GABRG3: variants seen among roughly 807,000 people sequenced by gnomAD.
The protein encoded by GABRG3 is gamma-aminobutyric acid type A receptor subunit gamma3.
GABRG3 carries 25 observed loss-of-function variants against 48.8 expected under a neutral mutation model. That is an observed-to-expected ratio of 0.51 (90% CI 0.37 to 0.72). The LOEUF is 0.72. Among genes scored for constraint, GABRG3 ranks in the 30% least tolerant of loss-of-function variants. The probability of loss-of-function intolerance (pLI) is 0.00; values close to 1 mark genes in which losing one functional copy is unlikely to be tolerated. For missense variants in GABRG3, 394 were observed against 577.9 expected, an observed-to-expected ratio of 0.68 and a Z score of 3.26; for synonymous variants, 227 against 217.6, an observed-to-expected ratio of 1.04 and a Z score of -0.38.
At chr15:27,451,017 G>A (rs541685542) in intron 5 of GABRG3, among the ~76,000 whole-genome samples, 1 of 152,104 alleles carries the variant, frequency 6.6e-6, no homozygotes, top group South Asian at 2.1e-4. Flanking sequence ...AAATATTCAT[G>A]AAAGAAATTA....
chr15:27,297,702 C>G (rs1470789002), intron 3 of GABRG3, among the ~76,000 whole-genome samples: 1 of 152,092 alleles, frequency 6.6e-6, no homozygotes, highest in Admixed American at 6.6e-5. Context: ...GAATGTTAAG[C>G]AATGTATGAC....
chr15:27,460,097 TA>T (rs1185608906), intron 5 of GABRG3, among the ~76,000 whole-genome samples: 2 of 152,200 alleles, frequency 1.3e-5, no homozygotes, highest in Admixed American at 6.5e-5. Context: ...TGAGTTTACC[TA>T]AATGCTAACC....
intron 3 of GABRG3, among the ~76,000 whole-genome samples, chr15:27,178,623 A>G (rs12324171): frequency 0.028 from 4,340 of 152,320 alleles, 215 homozygotes; most frequent in African/African-American, 0.099. Context: ...ACCCAGAGAC[A>G]CGGGGGAGAT....
At chr15:26,995,854 A>G (rs1895331074) in intron 2 of GABRG3, among the ~76,000 whole-genome samples, 1 of 152,054 alleles carries the variant, frequency 6.6e-6, no homozygotes. Context: ...GTACAACCTT[A>G]TGTCTTTTTT....
intron 5 of GABRG3, among the ~76,000 whole-genome samples, chr15:27,349,935 C>CTTT (rs371119700): frequency 1.4e-5 from 2 of 144,468 alleles, no homozygotes; most frequent in Non-Finnish European, 1.5e-5. Context: ...GCCCTAAGGT[C>CTTT]TTTTTTTTTT....
chr15:27,353,835 C>T (rs1012734132), intron 5 of GABRG3, among the ~76,000 whole-genome samples: 1 of 152,152 alleles, frequency 6.6e-6, no homozygotes, highest in African/African-American at 2.4e-5. Flanking sequence ...TAAACTAGTA[C>T]CCGCTCCTCA....
At chr15:27,359,697 G>A (rs899199201) in intron 5 of GABRG3, among the ~76,000 whole-genome samples, 1 of 152,108 alleles carries the variant, frequency 6.6e-6, no homozygotes, top group Non-Finnish European at 1.5e-5. Flanking sequence ...TTTTGTAAAC[G>A]TTTCCATAAG....
chr15:27,122,457 G>A (rs1436027863), intron 3 of GABRG3, among the ~76,000 whole-genome samples: 2 of 152,242 alleles, frequency 1.3e-5, no homozygotes, highest in Non-Finnish European at 2.9e-5. Flanking sequence ...CCCACAGCTA[G>A]AAGTGGGTTC....
At chr15:27,088,457 T>G (rs1354479738) in intron 3 of GABRG3, among the ~76,000 whole-genome samples, 2 of 152,136 alleles carry the variant, frequency 1.3e-5, no homozygotes, top group Non-Finnish European at 2.9e-5. Flanking sequence ...GGGGAGGCTG[T>G]GTGCCGGGCA....
At chr15:27,428,734 G>A (rs577930125) in intron 5 of GABRG3, among the ~76,000 whole-genome samples, 1 of 152,254 alleles carries the variant, frequency 6.6e-6, no homozygotes, top group African/African-American at 2.4e-5. Flanking sequence ...TTCACCACAG[G>A]CCTAGTTAAT....
rs568584240 is a variant in GABRG3, at chr15:27,299,830, A to G, written c.271-26979A>G. On this transcript the variant is annotated intron_variant, in intron 3 of 9. Transcript: ENST00000615808. ...CAGAGAGGGGGTAACCAGAGCCCCA[A>G]GTTTCTAGCCAGAGGCCCAAAAAAC... 9.2e-5 allele frequency among the ~76,000 whole-genome samples: 14 copies of G among 152,294 alleles called. No homozygotes were observed. The East Asian group carries it at 9.7e-4, about 11-fold the overall frequency.
At chr15:27,388,867 A>AAG (rs1201774988) in intron 5 of GABRG3, among the ~76,000 whole-genome samples, 2 of 151,336 alleles carry the variant, frequency 1.3e-5, no homozygotes, top group African/African-American at 2.5e-5. Flanking sequence ...TGGAGAGAGG[A>AAG]AGAGAGAGAG....
At chr15:27,050,405 G>A (rs1896437428) in intron 3 of GABRG3, among the ~76,000 whole-genome samples, 1 of 152,126 alleles carries the variant, frequency 6.6e-6, no homozygotes, top group Non-Finnish European at 1.5e-5. Flanking sequence ...GGCACAGCAG[G>A]GCTGTTCAGG....
intron 2 of GABRG3, among the ~76,000 whole-genome samples, chr15:26,981,435 T>C (rs1895052367): frequency 6.6e-6 from 1 of 152,240 alleles, no homozygotes; most frequent in African/African-American, 2.4e-5. Context: ...TGGTCTATCT[T>C]GGCAAATGCT....
chr15:27,483,216 T>C (rs1219477924), intron 6 of GABRG3: 2 of 152,174 alleles, frequency 1.3e-5, no homozygotes. Flanking sequence ...GCTTGGCATC[T>C]TCCGAGTGCC....
intron 3 of GABRG3, among the ~76,000 whole-genome samples, chr15:27,042,167 C>T (rs964805860): frequency 6.6e-6 from 1 of 152,196 alleles, no homozygotes; most frequent in Non-Finnish European, 1.5e-5. Flanking sequence ...CATGTGGGTC[C>T]CATCTGCCTC....
chr15:27,354,093 G>A (rs1278003265), intron 5 of GABRG3, among the ~76,000 whole-genome samples: 3 of 152,148 alleles, frequency 2.0e-5, no homozygotes, highest in Non-Finnish European at 2.9e-5. Context: ...GGCCTGTACC[G>A]ACTAAGAAGC....
intron 3 of GABRG3, among the ~76,000 whole-genome samples, chr15:27,131,449 C>A (rs992560637): frequency 6.6e-6 from 1 of 151,894 alleles, no homozygotes; most frequent in Admixed American, 6.6e-5. Context: ...GCATTTCATT[C>A]AGGATTCTTG....
intron 3 of GABRG3, among the ~76,000 whole-genome samples, chr15:27,247,894 C>T (rs1890316729): frequency 6.6e-6 from 1 of 152,136 alleles, no homozygotes; most frequent in East Asian, 1.9e-4. Context: ...CCCACTGGGT[C>T]CCTTTCACAA....
Sources: gnomAD v4.1 joint callset for allele counts (sites outside exome capture counted in the v4.1 genomes callset) on GRCh38, gnomAD v4.1.1 for gene constraint, MANE v1.5 for transcripts, NCBI Gene and HGNC (gene_info 2026-07-23, HGNC 2026-07-21) for gene names.